Variants in AASS observed in about 807,000 individuals in gnomAD.
AASS encodes aminoadipate-semialdehyde synthase.
In AASS, 86 loss-of-function variants were observed where a neutral mutation model predicts 105.4. That is an observed-to-expected ratio of 0.82 (90% CI 0.69 to 0.98). AASS has a LOEUF of 0.98. Among genes scored for constraint, AASS ranks in the 50% least tolerant of loss-of-function variants. The pLI, the probability that AASS is intolerant of heterozygous loss-of-function variation, is 0.00. For synonymous variants in AASS, 381 were observed against 394.8 expected (o/e 0.96, Z 0.41); for missense variants, 1,048 against 1,143.2 (o/e 0.92, Z 1.20).
In AASS at chr7:122,074,308, G is replaced by C. The variant is rs1342869743; in HGVS notation, c.*2181C>G. Among the ~76,000 whole-genome samples, 1 of 151,910 alleles carries C rather than the reference G, an allele frequency of 6.6e-6. No individual in the cohort carries two copies. The highest frequency in any genetic ancestry group is 1.5e-5 in the Non-Finnish European group (1 of 67,958). ...GAACTGTTAATTCAGATCTCTTGTTGATTTTTAAAAATTGAATTATATGCC... is the reference window on the plus strand; with the variant it reads ...GAACTGTTAATTCAGATCTCTTGTTCATTTTTAAAAATTGAATTATATGCC... On this transcript the variant is annotated 3_prime_UTR_variant, in exon 24 of 24. Transcript: ENST00000417368.
At chr7:122,107,041 G>GA in intron 11 of AASS, among the ~76,000 whole-genome samples, 1 of 151,728 alleles carries the variant, frequency 6.6e-6, no homozygotes, top group East Asian at 1.9e-4. Context: ...AAATTTACAA[G>GA]AAAAAACAAA....
chr7:122,114,691 G>A (rs1161117542), intron 9 of AASS, among the ~76,000 whole-genome samples: 1 of 152,120 alleles, frequency 6.6e-6, no homozygotes, highest in African/African-American at 2.4e-5. Flanking sequence ...ACTTCTCTGA[G>A]CAAATAGCTT....
rs1288574362 is a variant in AASS, at chr7:122,138,991, A to G, written c.-16+5170T>C. Reference sequence around the variant, plus strand: ...ATTCTGTAAAATGTATTTATAAAATATTATATTTAAGAAAAGCCACTCTCA... The same window carrying G: ...ATTCTGTAAAATGTATTTATAAAATGTTATATTTAAGAAAAGCCACTCTCA... On this transcript the variant is annotated intron_variant, in intron 1 of 23. Coordinates refer to ENST00000417368, the MANE Select transcript of AASS (RefSeq NM_005763.4). Among the ~76,000 whole-genome samples the G allele has an allele frequency of 2.0e-5, 3 of 152,192 alleles. No individual in the cohort carries two copies. The East Asian group carries it at 5.8e-4, about 29-fold the overall frequency.
chr7:122,130,420 C>T (rs182276803), intron 2 of AASS, among the ~76,000 whole-genome samples: 23 of 152,054 alleles, frequency 1.5e-4, no homozygotes, highest in African/African-American at 5.5e-4. Context: ...TAATACAAGA[C>T]TTATTGGGTA....
At position 122,108,873 on chromosome 7, in the gene AASS, C is replaced by T. The variant is rs142920368; in HGVS notation, c.1278+4245G>A. ...TTGGAAAGCAGGAAGTCAAATTGTC[C>T]TTGTTTGAAGATGACGAAATCTTAT... On this transcript the variant is annotated intron_variant, in intron 11 of 23. Coordinates refer to ENST00000417368, the MANE Select transcript of AASS (RefSeq NM_005763.4). Among the ~76,000 whole-genome samples the T allele has an allele frequency of 6.2e-4, 94 of 152,080 alleles. 2 individuals are homozygous for T. In the East Asian group the frequency reaches 0.017, roughly 28 times the overall value.
intron 8 of AASS, 36 bp downstream of exon 8, chr7:122,116,597 T>TA: frequency 6.2e-7 from 1 of 1,613,594 alleles, no homozygotes. Context: ...CACTGTATCA[T>TA]AAGCAACCAA....
At chr7:122,122,801 G>A (rs570034459) in intron 4 of AASS, among the ~76,000 whole-genome samples, 2 of 152,250 alleles carry the variant, frequency 1.3e-5, no homozygotes, top group South Asian at 2.1e-4. Flanking sequence ...TTGATAGGTA[G>A]ATGGACTGAT....
At chr7:122,143,080 G>GA (rs1320440368) in intron 1 of AASS, among the ~76,000 whole-genome samples, 3 of 152,076 alleles carry the variant, frequency 2.0e-5, no homozygotes, top group East Asian at 1.9e-4. Flanking sequence ...ATCTTCATGG[G>GA]AAAAAAAGAA....
At chr7:122,105,562 CAAT>C (rs1794631208) in intron 11 of AASS, among the ~76,000 whole-genome samples, 1 of 151,872 alleles carries the variant, frequency 6.6e-6, no homozygotes, top group Non-Finnish European at 1.5e-5. Context: ...AGCTAGAAAT[CAAT>C]AACAAGAGAA....
chr7:122,085,829 A>G (rs1793596211), intron 19 of AASS, among the ~76,000 whole-genome samples, 183 bp downstream of exon 19: 1 of 152,132 alleles, frequency 6.6e-6, no homozygotes, highest in African/African-American at 2.4e-5. Context: ...TAATGAGTCA[A>G]TTAATTATCT....
intron 6 of AASS, among the ~76,000 whole-genome samples, 173 bp downstream of exon 6, chr7:122,118,134 C>T (rs1795274775): frequency 6.6e-6 from 1 of 152,004 alleles, no homozygotes. Flanking sequence ...CACACATACA[C>T]ACATATTTAG....
intron 3 of AASS, 41 bp downstream of exon 3, chr7:122,129,319 AT>A: frequency 7.6e-7 from 1 of 1,315,804 alleles, no homozygotes; most frequent in African/African-American, 1.5e-5. Flanking sequence ...AAAAAATATT[AT>A]TTTTCTACAT....
At position 122,085,144 on chromosome 7, in the gene AASS, G is replaced by C. The variant is rs150785577; in HGVS notation, c.2184+868C>G. Among the ~76,000 whole-genome samples, 73 of 152,260 alleles carry C rather than the reference G, an allele frequency of 4.8e-4. 2 individuals are homozygous for C. Among genetic ancestry groups the C allele is most frequent in the Non-Finnish European group, 2.1e-4 (14 of 68,018 alleles). On this transcript the variant is annotated intron_variant, in intron 19 of 23. Transcript: ENST00000417368. The stretch of plus-strand genomic sequence containing the variant: ...TGAGACACACAGAAGAAGGTGATAT[G>C]AAACTGATGCACAAATTGGATGGAT...
rs139481362 is a variant in AASS at position 122,141,982 on chromosome 7, G to A, written c.-16+2179C>T. ...TTCTAGCTAAAGTACACCAAACAGG[G>A]AAACAAAATACCAAAAACACAATCA... is the stretch of plus-strand genomic sequence containing the variant. On this transcript the variant is annotated intron_variant, in intron 1 of 23. Coordinates refer to ENST00000417368, the MANE Select transcript of AASS (RefSeq NM_005763.4). Among the ~76,000 whole-genome samples the A allele has an allele frequency of 2.0e-5, 3 of 152,264 alleles. No individual in the cohort carries two copies. In the East Asian group the frequency reaches 5.8e-4, roughly 29 times the overall value.
intron 19 of AASS, chr7:122,081,837 A>G (rs1793345058): frequency 2.0e-6 from 1 of 492,100 alleles, no homozygotes; most frequent in Non-Finnish European, 3.6e-6. Context: ...TTCAAGCTCA[A>G]ACTGAGATCA....
intron 15 of AASS, among the ~76,000 whole-genome samples, chr7:122,094,635 A>G (rs112048952): frequency 6.6e-6 from 1 of 152,284 alleles, no homozygotes; most frequent in African/African-American, 2.4e-5. Context: ...TATAACACTC[A>G]TATTTATGAA....
At position 122,077,867 on chromosome 7, in the gene AASS, G is replaced by T. The variant is rs761594354; in HGVS notation, c.2633C>A (p.Thr878Asn). 26 of 1,614,060 alleles carry T rather than the reference G, an allele frequency of 1.6e-5. No homozygotes were observed. The East Asian group carries it at 5.8e-4, about 36-fold the overall frequency. ...SAMAKTVGLP[T>N]AMAAKMLLDG... ...AAGCAACATTTTGGCTGCCATGGCG[G>T]TGGGTAACCCCACGGTTTTAGCCAT... The change falls in exon 23 of 24, where the codon ACC becomes AAC. Residue 878 changes from threonine to asparagine, a missense_variant. Physicochemically the swap from Thr to Asn is moderately conservative, Grantham distance 65. Transcript: ENST00000417368.
At chr7:122,093,224 C>T (rs747193274) in intron 15 of AASS, 66 bp from the exon 16 acceptor site, 1 of 1,188,880 alleles carries the variant, frequency 8.4e-7, no homozygotes, top group Non-Finnish European at 1.3e-6. Context: ...GGTACTTGAA[C>T]TGTATTAAAG....
At chr7:122,095,918 A>G (rs2150519615) in intron 15 of AASS, among the ~76,000 whole-genome samples, 1 of 152,302 alleles carries the variant, frequency 6.6e-6, no homozygotes, top group Admixed American at 6.5e-5. Flanking sequence ...TCAAAATTTT[A>G]CTAAGATCTA....
Sources: allele counts gnomAD v4.1 joint callset (sites outside exome capture counted in the v4.1 genomes callset), GRCh38; gene constraint gnomAD v4.1.1; transcripts MANE v1.5; gene names NCBI Gene and HGNC (gene_info 2026-07-23, HGNC 2026-07-21).